The following ATP6AP2 variants were observed in gnomAD, a reference collection of about 807,000 sequenced individuals.
The protein encoded by ATP6AP2 is ATPase H+ transporting accessory protein 2.
Under a neutral mutation model 23.4 loss-of-function variants are expected in ATP6AP2, and 1 was observed. The ratio of observed to expected loss-of-function variants is 0.04; its 90% confidence interval spans 0.02 to 0.20. ATP6AP2 has a LOEUF of 0.20. Among genes scored for constraint, ATP6AP2 ranks in the 10% least tolerant of loss-of-function variants. ATP6AP2 has a pLI of 1.00. For missense variants in ATP6AP2, 174 were observed against 271.3 expected (o/e 0.64, Z 2.52); for synonymous variants, 90 against 97.1 (o/e 0.93, Z 0.43).
chrX:40,602,587 T>C (rs2146545387), intron 8 of ATP6AP2, among the ~76,000 whole-genome samples: 1 of 104,677 alleles, frequency 9.6e-6, no homozygotes, highest in African/African-American at 3.5e-5. Context: ...GAGGCGGAGG[T>C]TGCAGTGAGC....
chrX:40,595,305 C>T (rs1926749671), intron 3 of ATP6AP2, among the ~76,000 whole-genome samples: 1 of 111,486 alleles, frequency 9.0e-6, no homozygotes, highest in Non-Finnish European at 1.9e-5. Flanking sequence ...CCCCACAAAA[C>T]ATAAAAATCA....
chrX:40,598,868 G>A, intron 6 of ATP6AP2, 134 bp downstream of exon 6: 1 of 630,019 alleles, frequency 1.6e-6, no homozygotes. Flanking sequence ...TGAAAAATTA[G>A]TGGCAATATT....
intron 8 of ATP6AP2, 139 bp from the exon 9 acceptor site, chrX:40,605,422 C>A: frequency 5.4e-6 from 3 of 557,702 alleles, no homozygotes; most frequent in Non-Finnish European, 8.7e-6. Flanking sequence ...CTCCTTCTTG[C>A]TTCCTCCTAG....
chrX:40,581,057 C>T lies in ATP6AP2; in HGVS notation c.-9C>T, dbSNP rs2146534482. 5.2e-6 allele frequency: 6 copies of T among 1,164,544 alleles called. No homozygotes were observed. The highest frequency in any genetic ancestry group is 6.5e-5 in the East Asian group (2 of 30,733). On this transcript the variant is annotated 5_prime_UTR_variant, in exon 1 of 9. Coordinates refer to ENST00000636580, the MANE Select transcript of ATP6AP2 (RefSeq NM_005765.3). ...TGTCGCCCCGCAGTGCTGCGGCCGC[C>T]GCGGCACCATGGCTGTGTTTGTCGT... is the stretch of plus-strand genomic sequence containing the variant.
chrX:40,602,775 G>A, intron 8 of ATP6AP2, among the ~76,000 whole-genome samples: 1 of 108,360 alleles, frequency 9.2e-6, no homozygotes, highest in Non-Finnish European at 1.9e-5. Context: ...AGATAAAGCT[G>A]GGGACCCCGA....
Position 40,589,209 on chromosome X carries a change from G to T in ATP6AP2, c.168+93G>T, listed in dbSNP as rs1926560268. The T allele has an allele frequency of 1.1e-5, 11 of 984,893 alleles. No homozygotes were observed. The South Asian group carries it at 2.2e-4, about 20-fold the overall frequency. 81.2% of individuals were successfully genotyped at this position (984,893 alleles called of 1,213,427 possible). Reference sequence around the variant, plus strand: ...CCCAAAAAAGCATCAAACGAACGTAGGTACGTTTGGTACAGATTACAAAAG... The same window carrying T: ...CCCAAAAAAGCATCAAACGAACGTATGTACGTTTGGTACAGATTACAAAAG... On this transcript the variant is annotated intron_variant, in intron 2 of 8. Coordinates refer to ENST00000636580, the MANE Select transcript of ATP6AP2 (RefSeq NM_005765.3).
At position 40,600,852 on chromosome X, in the gene ATP6AP2, A is replaced by T. The variant is rs1926886418; in HGVS notation, c.829A>T (p.Thr277Ser). ...KSFDTSLIRK[T>S]RTILEAKQAK... ...ATTTGACACCTCCCTCATTAGGAAG[A>T]CAAGGACTATCCTTGAGGCAAAACA... The change falls in exon 8 of 9, where the codon ACA (threonine) becomes TCA (serine). Residue 277 changes from threonine to serine, a missense_variant. Thr to Ser is a moderately conservative substitution (Grantham distance 58, BLOSUM62 1). Coordinates refer to ENST00000636580, the MANE Select transcript of ATP6AP2 (RefSeq NM_005765.3). 9 of 1,209,262 alleles carry T rather than the reference A, an allele frequency of 7.4e-6. No individual in the cohort carries two copies. The East Asian group carries it at 2.7e-4, about 36-fold the overall frequency.
chrX:40,588,616 C>T (rs747637748), intron 1 of ATP6AP2, among the ~76,000 whole-genome samples: 2 of 110,949 alleles, frequency 1.8e-5, no homozygotes, highest in South Asian at 7.6e-4. Context: ...TTGCCACATG[C>T]CTCTTTAAGA....
In ATP6AP2 at chrX:40,605,858, T is replaced by TAA; in HGVS notation, c.*111_*112dup. The TAA allele has an allele frequency of 1.4e-6, 1 of 731,465 alleles. No homozygotes were observed. Among genetic ancestry groups the TAA allele is most frequent in the Non-Finnish European group, 2.0e-6 (1 of 501,393 alleles). The allele number at this position is 731,465 out of a possible 1,213,427, so 60.3% of individuals were successfully genotyped here. A position where few individuals can be genotyped will look rare whatever the true frequency, so the allele number is the denominator to read the frequency against. ...AAGTAGATAGTATACTTTACATTTA[T>TAA]AAAAAAAAATCAAATTTTGTTCTTT... On this transcript the variant is annotated 3_prime_UTR_variant, in exon 9 of 9. Transcript: ENST00000636580.
At chrX:40,596,822 A>T (rs1415025274) in intron 3 of ATP6AP2, 1 of 122,065 alleles carries the variant, frequency 8.2e-6, no homozygotes, top group Non-Finnish European at 1.7e-5. Context: ...ATGAAAGATG[A>T]ATTCCATTTT....
chrX:40,595,313 T>C (rs774955948), intron 3 of ATP6AP2, among the ~76,000 whole-genome samples: 17 of 111,382 alleles, frequency 1.5e-4, no homozygotes, highest in African/African-American at 5.5e-4. Context: ...AACATAAAAA[T>C]CAGAGTATCT....
At chrX:40,586,365 A>T (rs1926470837) in intron 1 of ATP6AP2, among the ~76,000 whole-genome samples, 1 of 111,955 alleles carries the variant, frequency 8.9e-6, no homozygotes, top group South Asian at 3.7e-4. Context: ...AAGACTGAAC[A>T]CAGGATTGTC....
intron 1 of ATP6AP2, among the ~76,000 whole-genome samples, chrX:40,582,398 A>C (rs1362264695): frequency 8.9e-6 from 1 of 112,100 alleles, no homozygotes; most frequent in African/African-American, 3.2e-5. Flanking sequence ...ATTGCACTCC[A>C]GCCTGGGCGA....
At chrX:40,590,261 G>A (rs1436397259) in intron 2 of ATP6AP2, 1 of 112,235 alleles carries the variant, frequency 8.9e-6, no homozygotes, top group Admixed American at 9.5e-5. Flanking sequence ...ATGTTGTCCA[G>A]GCTGGTAGGT....
At chrX:40,597,768 T>C (rs1257088639) in intron 5 of ATP6AP2, 104 bp downstream of exon 5, 6 of 896,621 alleles carry the variant, frequency 6.7e-6, no homozygotes, top group Non-Finnish European at 9.6e-6. Context: ...CTTGAACTCC[T>C]GGCCTCAAGC....
rs921182987 is a variant in ATP6AP2, at chrX:40,593,037, G to A, written c.300+1672G>A. ...CCAAGGCGGGTGAATCACTTGAGGC[G>A]AGGAGTCCGAGACCAGCCTGGCCAA... is the stretch of plus-strand genomic sequence containing the variant. On this transcript the variant is annotated intron_variant, in intron 3 of 8. Coordinates refer to ENST00000636580, the MANE Select transcript of ATP6AP2 (RefSeq NM_005765.3). Among the ~76,000 whole-genome samples the A allele has an allele frequency of 7.1e-5, 8 of 111,958 alleles. No individual in the cohort carries two copies. In the South Asian group the frequency reaches 1.1e-3, roughly 15 times the overall value.
intron 1 of ATP6AP2, among the ~76,000 whole-genome samples, chrX:40,586,661 C>T (rs562631278): frequency 8.9e-6 from 1 of 111,882 alleles, no homozygotes; most frequent in African/African-American, 3.2e-5. Flanking sequence ...AAATGTAGTT[C>T]GTATATTGAG....
At chrX:40,605,183 G>A (rs1195486688) in intron 8 of ATP6AP2, 4 of 143,218 alleles carry the variant, frequency 2.8e-5, no homozygotes, top group Admixed American at 7.8e-5. Flanking sequence ...GCCCGCCTTG[G>A]CCTCCCGAAG....
At chrX:40,586,997 C>T (rs761433472) in intron 1 of ATP6AP2, among the ~76,000 whole-genome samples, 9 of 112,476 alleles carry the variant, frequency 8.0e-5, no homozygotes, top group African/African-American at 1.9e-4. Context: ...GGGCTGGGCG[C>T]GGTGGCTCAC....
Sources: allele counts gnomAD v4.1 joint callset (sites outside exome capture counted in the v4.1 genomes callset), GRCh38; gene constraint gnomAD v4.1.1; transcripts MANE v1.5; gene names NCBI Gene and HGNC (gene_info 2026-07-23, HGNC 2026-07-21).